The following ASIC2 variants were observed in gnomAD, a reference collection of about 807,000 sequenced individuals.
ASIC2 encodes acid-sensing ion channel 2.
In ASIC2, 25 loss-of-function variants were observed where a neutral mutation model predicts 57.3. The ratio of observed to expected loss-of-function variants is 0.44; its 90% CI spans 0.32 to 0.61. The LOEUF (loss-of-function observed/expected upper bound fraction) is 0.61, where lower values mean the gene tolerates loss of function less well. ASIC2 is among the 20% of genes least tolerant of loss of function. The pLI is 0.06. For synonymous variants in ASIC2, 319 were observed against 307.5 expected, an observed-to-expected ratio of 1.04 and a Z score of -0.39; for missense variants, 641 against 738.1, an observed-to-expected ratio of 0.87 and a Z score of 1.52.
intron 1 of ASIC2, among the ~76,000 whole-genome samples, chr17:33,995,084 T>C (rs1294434469): frequency 6.6e-6 from 1 of 152,126 alleles, no homozygotes; most frequent in African/African-American, 2.4e-5. Context: ...TCCAGGACTG[T>C]ACCTATGGCC....
chr17:33,112,906 A>G (rs541201428), intron 1 of ASIC2: 4 of 149,466 alleles, frequency 2.7e-5, no homozygotes, highest in African/African-American at 9.7e-5. Flanking sequence ...TTTAGGCTAG[A>G]ATTCAGACCT....
chr17:33,284,705 C>A (rs111567569), intron 1 of ASIC2, among the ~76,000 whole-genome samples: 2 of 152,288 alleles, frequency 1.3e-5, no homozygotes, highest in East Asian at 1.9e-4. Flanking sequence ...TGAATCGTGA[C>A]TCTACTACTT....
chr17:33,660,708 G>C (rs1238428682), intron 1 of ASIC2, among the ~76,000 whole-genome samples: 2 of 152,188 alleles, frequency 1.3e-5, no homozygotes, highest in African/African-American at 2.4e-5. Flanking sequence ...TGTGTGTCCC[G>C]TGCTGCGCTA....
intron 1 of ASIC2, among the ~76,000 whole-genome samples, chr17:33,235,780 TAACTC>T (rs1193123141): frequency 6.6e-6 from 1 of 152,204 alleles, no homozygotes; most frequent in African/African-American, 2.4e-5. Context: ...GTCACACCCA[TAACTC>T]ATTCATTCAG....
chr17:33,656,694 C>T (rs1454144690), intron 1 of ASIC2, among the ~76,000 whole-genome samples: 4 of 152,118 alleles, frequency 2.6e-5, no homozygotes, highest in African/African-American at 9.7e-5. Flanking sequence ...TCTTGTGTTC[C>T]CCCTCTGTGT....
intron 1 of ASIC2, among the ~76,000 whole-genome samples, chr17:33,628,587 C>G (rs1186174298): frequency 6.6e-6 from 1 of 152,144 alleles, no homozygotes; most frequent in Non-Finnish European, 1.5e-5. Flanking sequence ...TGAGCCGCCT[C>G]GCCAACCCTA....
intron 1 of ASIC2, among the ~76,000 whole-genome samples, chr17:34,066,716 G>A (rs1909185392): frequency 6.6e-6 from 1 of 152,140 alleles, no homozygotes; most frequent in Non-Finnish European, 1.5e-5. Context: ...GGACCTCTCC[G>A]CTCATTGTAT....
At chr17:33,760,942 T>C (rs933094212) in intron 1 of ASIC2, among the ~76,000 whole-genome samples, 7 of 152,190 alleles carry the variant, frequency 4.6e-5, no homozygotes, top group African/African-American at 1.4e-4. Flanking sequence ...CGCTTCCTTC[T>C]AAAATATTTG....
chr17:33,370,223 T>C (rs548275491), intron 1 of ASIC2, among the ~76,000 whole-genome samples: 17 of 152,276 alleles, frequency 1.1e-4, no homozygotes, highest in South Asian at 4.1e-4. Context: ...CTGGACAAGC[T>C]ACCTGAATTG....
chr17:33,293,365 C>G (rs1339191051), upstream of ASIC2, among the ~76,000 whole-genome samples: 1 of 152,198 alleles, frequency 6.6e-6, no homozygotes, highest in Non-Finnish European at 1.5e-5. Flanking sequence ...GCGCCCGGCT[C>G]CTCCTCGCTG....
At chr17:33,339,087 C>G (rs1159127081) in intron 1 of ASIC2, among the ~76,000 whole-genome samples, 1 of 151,104 alleles carries the variant, frequency 6.6e-6, no homozygotes, top group Non-Finnish European at 1.5e-5. Context: ...TTTTTTACCA[C>G]GATAAAAATT....
intron 1 of ASIC2, among the ~76,000 whole-genome samples, chr17:33,271,807 G>T (rs1317788653): frequency 6.6e-6 from 1 of 152,152 alleles, no homozygotes; most frequent in Non-Finnish European, 1.5e-5. Context: ...TTCTTGCAGG[G>T]TATATTAACT....
chr17:33,187,762 T>C (rs2142064915), intron 1 of ASIC2, among the ~76,000 whole-genome samples: 1 of 152,120 alleles, frequency 6.6e-6, no homozygotes, highest in East Asian at 1.9e-4. Context: ...TTGCTGATCC[T>C]TGAAAGAAAC....
At chr17:34,093,247 AC>A (rs1304540810) in intron 1 of ASIC2, among the ~76,000 whole-genome samples, 1 of 151,940 alleles carries the variant, frequency 6.6e-6, no homozygotes, top group Non-Finnish European at 1.5e-5. Flanking sequence ...TCTAGCTCAC[AC>A]CTTTCCCACA....
At chr17:33,169,852 T>G (rs1230663391) in intron 1 of ASIC2, among the ~76,000 whole-genome samples, 1 of 152,222 alleles carries the variant, frequency 6.6e-6, no homozygotes, top group African/African-American at 2.4e-5. Context: ...CTACCTCTGG[T>G]AGCTCCAATT....
chr17:33,691,602 A>C (rs1489332734), intron 1 of ASIC2, among the ~76,000 whole-genome samples: 1 of 152,166 alleles, frequency 6.6e-6, no homozygotes. Context: ...CTACTTATAC[A>C]TTAAAGTGAT....
intron 1 of ASIC2, among the ~76,000 whole-genome samples, chr17:33,307,434 T>A (rs961665858): frequency 3.3e-5 from 5 of 152,082 alleles, no homozygotes; most frequent in African/African-American, 1.2e-4. Context: ...TTAAGCCTCC[T>A]GAGCAGCTGG....
chr17:33,881,025 A>C (rs1329407763), intron 1 of ASIC2, among the ~76,000 whole-genome samples: 1 of 152,232 alleles, frequency 6.6e-6, no homozygotes, highest in Non-Finnish European at 1.5e-5. Flanking sequence ...GATTATCTCA[A>C]TAGATGCAGA....
chr17:33,264,325 T>C (rs1241976870), intron 1 of ASIC2, among the ~76,000 whole-genome samples: 1 of 152,262 alleles, frequency 6.6e-6, no homozygotes, highest in Non-Finnish European at 1.5e-5. Flanking sequence ...ACTCACTATG[T>C]GCATGGCATG....
Sources: gnomAD v4.1 joint callset for allele counts (sites outside exome capture counted in the v4.1 genomes callset) on GRCh38, gnomAD v4.1.1 for gene constraint, MANE v1.5 for transcripts, NCBI Gene and HGNC (gene_info 2026-07-23, HGNC 2026-07-21) for gene names.